The following MAP2K5 variants were observed in gnomAD, a reference collection of about 807,000 sequenced individuals.
MAP2K5 encodes the protein mitogen-activated protein kinase kinase 5.
In MAP2K5, 49 loss-of-function variants were observed where a neutral mutation model predicts 83.1. The ratio of observed to expected loss-of-function variants is 0.59; its 90% confidence interval spans 0.47 to 0.75. The LOEUF (loss-of-function observed/expected upper bound fraction) is 0.75. Among genes scored for constraint, MAP2K5 ranks in the 30% least tolerant of loss-of-function variants. The pLI, the probability that MAP2K5 is intolerant of heterozygous loss-of-function variation, is 0.00. For missense variants in MAP2K5, 457 were observed against 557.5 expected (o/e 0.82, Z 1.82); for synonymous variants, 202 against 191.8 (o/e 1.05, Z -0.44).
chr15:67,649,663 C>T (rs973355294), intron 11 of MAP2K5, among the ~76,000 whole-genome samples: 7 of 152,090 alleles, frequency 4.6e-5, no homozygotes, highest in South Asian at 2.1e-4. Context: ...CAGATCAATG[C>T]GTATACATCT....
chr15:67,696,203 G>T (rs901277622), intron 15 of MAP2K5, among the ~76,000 whole-genome samples: 3 of 149,332 alleles, frequency 2.0e-5, no homozygotes, highest in Non-Finnish European at 4.4e-5. Flanking sequence ...TTCTACATGA[G>T]CCCTATGCCA....
rs528106765 is a variant in MAP2K5, at chr15:67,780,215, A to G, written c.1242+7463A>G. Among the ~76,000 whole-genome samples, 10 of 152,276 alleles carry G rather than the reference A, an allele frequency of 6.6e-5. No individual in the cohort carries two copies. Among genetic ancestry groups the G allele is most frequent in the African/African-American group, 1.7e-4 (7 of 41,536 alleles). On this transcript the variant is annotated intron_variant, in intron 21 of 21. Coordinates refer to ENST00000178640, the MANE Select transcript of MAP2K5 (RefSeq NM_145160.3). The surrounding 1 kb of genome is among the most constrained non-coding windows in gnomAD (Gnocchi z 5.0). The stretch of plus-strand genomic sequence containing the variant: ...ACCTCAGAGGTTTAAAAGGCTAAAG[A>G]AAAAAATGCCTGGATCCTAACCTAG...
At position 67,793,139 on chromosome 15, in the gene MAP2K5, A is replaced by T. The variant is rs1158585263; in HGVS notation, c.1243-13507A>T. Among the ~76,000 whole-genome samples the T allele has an allele frequency of 6.6e-6, 1 of 152,238 alleles. No homozygotes were observed. Among genetic ancestry groups the T allele is most frequent in the Non-Finnish European group, 1.5e-5 (1 of 68,032 alleles). On this transcript the variant is annotated intron_variant, in intron 21 of 21. Coordinates refer to ENST00000178640, the MANE Select transcript of MAP2K5 (RefSeq NM_145160.3). This position sits in a 1 kb window ranked among gnomAD's most constrained non-coding sequence, Gnocchi z 4.6. ...TACATGCATCAGGATTTAATTTTTT[A>T]CAAAGTTAAATTTACTTCCAGCTAC...
rs930828957 is a variant in MAP2K5, at chr15:67,785,038, C to A, written c.1242+12286C>A. Among the ~76,000 whole-genome samples, 11 of 152,224 alleles carry A rather than the reference C, an allele frequency of 7.2e-5. No homozygotes were observed. The highest frequency in any genetic ancestry group is 3.2e-3 in the Middle Eastern group (1 of 316). ...CAGTGCAGCCTCAATCTCCCAGGCT[C>A]AGGTGATCCTCCTACCTCAGCACCC... is the stretch of plus-strand genomic sequence containing the variant. On this transcript the variant is annotated intron_variant, in intron 21 of 21. Transcript: ENST00000178640. The surrounding 1 kb of genome is among the most constrained non-coding windows in gnomAD (Gnocchi z 4.4).
Position 67,543,243 on chromosome 15 carries a change from C to G in MAP2K5, c.-93C>G. On this transcript the variant is annotated 5_prime_UTR_variant, in exon 1 of 22. Transcript: ENST00000178640. The surrounding 1 kb of genome is among the most constrained non-coding windows in gnomAD (Gnocchi z 4.3). ...CCTTGTTTTCACCCTCTGTCCTCTG[C>G]CCGTCACTCCCCTTGTCACCTCTTG... is the stretch of plus-strand genomic sequence containing the variant. The G allele has an allele frequency of 7.6e-7, 1 of 1,320,570 alleles. No individual in the cohort carries two copies. Among genetic ancestry groups the G allele is most frequent in the East Asian group, 2.3e-5 (1 of 43,448 alleles). The allele number at this position is 1,320,570 out of a possible 1,614,324, so 81.8% of individuals were successfully genotyped here.
At chr15:67,583,065 T>C (rs904511769) in intron 4 of MAP2K5, among the ~76,000 whole-genome samples, 1 of 152,240 alleles carries the variant, frequency 6.6e-6, no homozygotes, top group African/African-American at 2.4e-5. Context: ...CGCATCATCA[T>C]CTGTAATCCT....
chr15:67,624,269 G>A (rs1186567066), intron 8 of MAP2K5, among the ~76,000 whole-genome samples: 1 of 151,128 alleles, frequency 6.6e-6, no homozygotes, highest in Non-Finnish European at 1.5e-5. Context: ...AACCCGGGAA[G>A]CGGAGCTGGC....
At chr15:67,715,232 G>A (rs1021269932) in intron 16 of MAP2K5, among the ~76,000 whole-genome samples, 1 of 146,366 alleles carries the variant, frequency 6.8e-6, no homozygotes, top group African/African-American at 2.5e-5. Flanking sequence ...TTTTTTGGGC[G>A]GGGAGGGGGG....
intron 11 of MAP2K5, among the ~76,000 whole-genome samples, chr15:67,651,812 A>C (rs1339587088): frequency 6.6e-6 from 1 of 152,216 alleles, no homozygotes; most frequent in African/African-American, 2.4e-5. Context: ...ATAGTGCTGC[A>C]GTAAACATTA....
chr15:67,651,379 G>A (rs1047987482), intron 11 of MAP2K5, among the ~76,000 whole-genome samples: 1 of 152,164 alleles, frequency 6.6e-6, no homozygotes, highest in Non-Finnish European at 1.5e-5. Flanking sequence ...TGTGTTAGGA[G>A]CATTGCAATT....
intron 16 of MAP2K5, among the ~76,000 whole-genome samples, chr15:67,711,667 GCACGCACA>G (rs899473752): frequency 1.7e-4 from 8 of 48,014 alleles, no homozygotes; most frequent in African/African-American, 5.5e-4. Flanking sequence ...ACACAGGCGT[GCACGCACA>G]CACACACACA....
intron 3 of MAP2K5, among the ~76,000 whole-genome samples, chr15:67,567,665 A>G (rs916370947): frequency 2.0e-5 from 3 of 152,242 alleles, no homozygotes; most frequent in Non-Finnish European, 4.4e-5. Flanking sequence ...CGCCCGGCCT[A>G]AAGTATTTTT....
At position 67,698,766 on chromosome 15, in the gene MAP2K5, C is replaced by T. The variant is rs2088330068; in HGVS notation, c.973-4571C>T. ...GTAATTGTCTTTACTCGGAATAAAA[C>T]ACATACACATTGCATGATCCAACTC... is the stretch of plus-strand genomic sequence containing the variant. On this transcript the variant is annotated intron_variant, in intron 15 of 21. Coordinates refer to ENST00000178640, the MANE Select transcript of MAP2K5 (RefSeq NM_145160.3). This position sits in a 1 kb window ranked among gnomAD's most constrained non-coding sequence, Gnocchi z 4.5. Among the ~76,000 whole-genome samples, 1 of 152,138 alleles carries T rather than the reference C, an allele frequency of 6.6e-6. No homozygotes were observed. The highest frequency in any genetic ancestry group is 1.5e-5 in the Non-Finnish European group (1 of 68,032).
intron 8 of MAP2K5, among the ~76,000 whole-genome samples, chr15:67,610,153 A>G (rs1243528630): frequency 6.6e-6 from 1 of 152,170 alleles, no homozygotes; most frequent in Non-Finnish European, 1.5e-5. Flanking sequence ...CTAACTATTA[A>G]CCCAAGTTAT....
chr15:67,643,618 T>C (rs1202010713), intron 9 of MAP2K5, among the ~76,000 whole-genome samples: 1 of 152,060 alleles, frequency 6.6e-6, no homozygotes, highest in East Asian at 1.9e-4. Context: ...GGCTAATTTT[T>C]TGTATTTTTA....
intron 16 of MAP2K5, among the ~76,000 whole-genome samples, chr15:67,725,047 A>G (rs1270644766): frequency 1.3e-5 from 2 of 152,234 alleles, no homozygotes; most frequent in African/African-American, 4.8e-5. Flanking sequence ...AGGTTCCACA[A>G]GATGTCAGGA....
At chr15:67,548,826 G>GA (rs1233259469) in intron 1 of MAP2K5, among the ~76,000 whole-genome samples, 3 of 147,770 alleles carry the variant, frequency 2.0e-5, no homozygotes, top group East Asian at 2.0e-4. Flanking sequence ...ACTAGACTCA[G>GA]AAAAAAAAAT....
At position 67,793,474 on chromosome 15, in the gene MAP2K5, C is replaced by T. The variant is rs958688300; in HGVS notation, c.1243-13172C>T. ...ATTTCTTGCTGCTGTTCTTGTTCCT[C>T]CCTTTAACACACCTTCGTCTTCTCC... On this transcript the variant is annotated intron_variant, in intron 21 of 21. Coordinates refer to ENST00000178640, the MANE Select transcript of MAP2K5 (RefSeq NM_145160.3). The surrounding 1 kb of genome is among the most constrained non-coding windows in gnomAD (Gnocchi z 4.6). Among the ~76,000 whole-genome samples, 4 of 152,152 alleles carry T rather than the reference C, an allele frequency of 2.6e-5. No individual in the cohort carries two copies. Among genetic ancestry groups the T allele is most frequent in the Admixed American group, 6.5e-5 (1 of 15,268 alleles).
intron 12 of MAP2K5, chr15:67,659,006 T>A (rs1207650208): frequency 2.5e-5 from 7 of 280,552 alleles, no homozygotes; most frequent in Non-Finnish European, 4.9e-5. Flanking sequence ...AAATATTAAT[T>A]TATTAAGAAC....
Sources: gnomAD v4.1 joint callset for allele counts (sites outside exome capture counted in the v4.1 genomes callset) on GRCh38, gnomAD v4.1.1 for gene constraint, Gnocchi (gnomAD v3.1) non-coding constraint, MANE v1.5 for transcripts, NCBI Gene and HGNC (gene_info 2026-07-23, HGNC 2026-07-21) for gene names.